The following UBASH3B variants were observed in gnomAD, a reference collection of about 807,000 sequenced individuals.
UBASH3B encodes ubiquitin-associated and SH3 domain-containing protein B.
Under a neutral mutation model 83.4 loss-of-function variants are expected in UBASH3B, and 37 were observed. The observed-to-expected ratio is 0.44, with a 90% CI of 0.34 to 0.58. UBASH3B has a LOEUF of 0.58. Among genes scored for constraint, UBASH3B ranks in the 20% least tolerant of loss-of-function variants. UBASH3B has a pLI of 0.01. For missense variants in UBASH3B, 657 were observed against 827.2 expected, an observed-to-expected ratio of 0.79 and a Z score of 2.52; for synonymous variants, 304 against 318.3, an observed-to-expected ratio of 0.96 and a Z score of 0.48.
At chr11:122,743,612 A>G (rs1476652359) in intron 1 of UBASH3B, among the ~76,000 whole-genome samples, 1 of 152,188 alleles carries the variant, frequency 6.6e-6, no homozygotes, top group African/African-American at 2.4e-5. Flanking sequence ...TGTCTTGAGG[A>G]TTGAAAGAGA....
chr11:122,709,391 T>C (rs1318534335), intron 1 of UBASH3B: 1 of 152,230 alleles, frequency 6.6e-6, no homozygotes, highest in African/African-American at 2.4e-5. Flanking sequence ...TGATGGACTT[T>C]CAGGAATAAA....
chr11:122,797,378 A>C, intron 9 of UBASH3B: 1 of 186,856 alleles, frequency 5.4e-6, no homozygotes, highest in African/African-American at 2.4e-5. Flanking sequence ...AGTGAAGAAG[A>C]TGGACCCTGG....
chr11:122,808,275 C>T, intron 13 of UBASH3B, 99 bp downstream of exon 13: 1 of 951,884 alleles, frequency 1.1e-6, no homozygotes, highest in Non-Finnish European at 1.7e-6. Context: ...TGTGTTTATG[C>T]TGAGCTGGGA....
intron 1 of UBASH3B, among the ~76,000 whole-genome samples, chr11:122,688,354 C>T (rs1043551920): frequency 6.6e-6 from 1 of 152,024 alleles, no homozygotes; most frequent in African/African-American, 2.4e-5. Flanking sequence ...ACCTCCGCCT[C>T]CCTGATTCAA....
At chr11:122,664,939 C>T (rs548092900) in intron 1 of UBASH3B, among the ~76,000 whole-genome samples, 5 of 152,196 alleles carry the variant, frequency 3.3e-5, no homozygotes, top group South Asian at 2.1e-4. Context: ...GACGGAGTCT[C>T]GCTCTGTCGC....
intron 2 of UBASH3B, 31 bp from the exon 3 acceptor site, chr11:122,776,993 G>T: frequency 6.5e-7 from 1 of 1,543,562 alleles, no homozygotes; most frequent in South Asian, 1.2e-5. Context: ...ATTCTCAAGC[G>T]ACACCTTGTT....
chr11:122,801,421 T>A (rs1861257509), intron 11 of UBASH3B, 89 bp downstream of exon 11: 2 of 1,476,168 alleles, frequency 1.4e-6, no homozygotes, highest in Non-Finnish European at 1.8e-6. Context: ...GAGCCAGGGC[T>A]GGACATCACC....
At chr11:122,719,777 C>G (rs1490327968) in intron 1 of UBASH3B, among the ~76,000 whole-genome samples, 1 of 152,196 alleles carries the variant, frequency 6.6e-6, no homozygotes, top group Admixed American at 6.5e-5. Flanking sequence ...TCACACTGCC[C>G]CCCAAAGCTG....
intron 1 of UBASH3B, chr11:122,727,730 C>T (rs1391324895): frequency 1.3e-5 from 2 of 152,234 alleles, no homozygotes; most frequent in Non-Finnish European, 2.9e-5. Flanking sequence ...TTAGGTAGAG[C>T]ATAAGGCTGT....
intron 1 of UBASH3B, among the ~76,000 whole-genome samples, chr11:122,695,341 C>T (rs1014391753): frequency 7.2e-5 from 11 of 152,180 alleles, no homozygotes; most frequent in Admixed American, 2.6e-4. Context: ...TGCATGGATG[C>T]CTGGAAGGAG....
Position 122,724,254 on chromosome 11 carries a change from T to C in UBASH3B, c.162-51965T>C, listed in dbSNP as rs77789663. On this transcript the variant is annotated intron_variant, in intron 1 of 13. Transcript: ENST00000284273. ...CTCGGTGTACTCATCGGTAAGATCA[T>C]GATGACACTGGTACCTACTTCTTCA... Among the ~76,000 whole-genome samples the C allele has an allele frequency of 5.3e-3, 811 of 152,350 alleles. 3 individuals are homozygous for C. The highest frequency in any genetic ancestry group is 7.7e-3 in the Non-Finnish European group (526 of 68,034).
chr11:122,750,070 G>A (rs1344293591), intron 1 of UBASH3B, among the ~76,000 whole-genome samples: 1 of 152,200 alleles, frequency 6.6e-6, no homozygotes, highest in Non-Finnish European at 1.5e-5. Flanking sequence ...TAGATGAGAT[G>A]CCAATGCCCA....
At chr11:122,753,960 C>A (rs1468705081) in intron 1 of UBASH3B, among the ~76,000 whole-genome samples, 1 of 152,200 alleles carries the variant, frequency 6.6e-6, no homozygotes, top group African/African-American at 2.4e-5. Context: ...CCTAGTGCAG[C>A]GATGTCCAGC....
At chr11:122,665,959 T>G (rs181629093) in intron 1 of UBASH3B, among the ~76,000 whole-genome samples, 28 of 152,326 alleles carry the variant, frequency 1.8e-4, no homozygotes, top group Non-Finnish European at 2.9e-4. Context: ...TCCCGGCCTC[T>G]GTGGAAGCAT....
chr11:122,700,320 T>C (rs1195849859), intron 1 of UBASH3B, among the ~76,000 whole-genome samples: 1 of 152,160 alleles, frequency 6.6e-6, no homozygotes, highest in East Asian at 1.9e-4. Context: ...GAGTTACACA[T>C]GGTGAGTCCA....
intron 3 of UBASH3B, among the ~76,000 whole-genome samples, chr11:122,779,211 G>A (rs151045238): frequency 7.2e-5 from 11 of 152,056 alleles, no homozygotes; most frequent in African/African-American, 2.7e-4. Context: ...TCTTGCTTTC[G>A]GCTCAACCAG....
chr11:122,662,784 G>A (rs1863463038), intron 1 of UBASH3B, among the ~76,000 whole-genome samples: 2 of 152,004 alleles, frequency 1.3e-5, no homozygotes, highest in Admixed American at 1.3e-4. Flanking sequence ...TTGCATGTAG[G>A]TCATACAGTG....
chr11:122,777,634 C>T (rs909815315), intron 3 of UBASH3B, among the ~76,000 whole-genome samples: 6 of 151,804 alleles, frequency 4.0e-5, no homozygotes, highest in African/African-American at 9.7e-5. Context: ...TTTTTTTTCC[C>T]GCTATATATT....
intron 1 of UBASH3B, among the ~76,000 whole-genome samples, chr11:122,715,306 CTTA>C (rs1424044613): frequency 6.6e-6 from 1 of 152,144 alleles, no homozygotes; most frequent in East Asian, 1.9e-4. Flanking sequence ...GATGTCATGT[CTTA>C]TTATTGATTG....
Sources: gnomAD v4.1 joint callset for allele counts (sites outside exome capture counted in the v4.1 genomes callset) on GRCh38, gnomAD v4.1.1 for gene constraint, MANE v1.5 for transcripts, NCBI Gene and HGNC (gene_info 2026-07-23, HGNC 2026-07-21) for gene names.